The following MRC1 variants were observed in gnomAD, a reference collection of about 807,000 sequenced individuals.
MRC1 encodes the protein macrophage mannose receptor 1.
Under a neutral mutation model 102.9 loss-of-function variants are expected in MRC1, and 62 were observed. That is an observed-to-expected ratio of 0.60 (90% confidence interval 0.49 to 0.74). The LOEUF (loss-of-function observed/expected upper bound fraction) is 0.74. MRC1 is among the 30% of genes least tolerant of loss of function. The pLI is 0.00. For synonymous variants in MRC1, 457 were observed against 298.4 expected (o/e 1.53, Z -5.48); for missense variants, 1,237 against 862.8 (o/e 1.43, Z -5.43).
Position 17,885,262 on chromosome 10 carries a change from C to T in MRC1, c.2981-7C>T, listed in dbSNP as rs1833575712. 5 of 780,600 alleles carry T rather than the reference C, an allele frequency of 6.4e-6. No individual in the cohort carries two copies. The Admixed American group carries it at 8.5e-5, about 13-fold the overall frequency. The allele number at this position is 780,600 out of a possible 1,614,324, so 48.4% of individuals were successfully genotyped here. On this transcript the variant is annotated splice_polypyrimidine_tract_variant and splice_region_variant and intron_variant, in intron 21 of 29. Coordinates refer to ENST00000569591, the MANE Select transcript of MRC1 (RefSeq NM_002438.4). ...GTTTAAAATTATATCATGAAATTTTCTTTCAGCATTTCTTACCTATCACAT... is the reference window on the plus strand; with the variant it reads ...GTTTAAAATTATATCATGAAATTTTTTTTCAGCATTTCTTACCTATCACAT...
rs2296414 is a variant in MRC1, at chr10:17,827,578, C to A, written c.500C>A (p.Thr167Asn). 3.8e-6 allele frequency: 3 copies of A among 780,490 alleles called. No homozygotes were observed. Among genetic ancestry groups the A allele is most frequent in the South Asian group, 2.7e-5 (2 of 74,608 alleles). The allele number at this position is 780,490 out of a possible 1,614,324, so 48.3% of individuals were successfully genotyped here. A position where few individuals can be genotyped will look rare whatever the true frequency, so the allele number is the denominator to read the frequency against. Residue 167 changes from threonine (T) to asparagine (N), a missense_variant, in exon 3 of 30, where the codon ACC becomes AAC. Physicochemically the swap from Thr to Asn is moderately conservative, Grantham distance 65 (BLOSUM62 0). Transcript: ENST00000569591. ...CTACTAGGCAATGCCAATGGAGCAA[C>A]CTGTGCATTCCCGTTCAAGTTTGAA... ...YTLLGNANGA[T>N]CAFPFKFENK...
At chr10:17,891,633 G>C (rs1833677541) in intron 22 of MRC1, among the ~76,000 whole-genome samples, 1 of 152,210 alleles carries the variant, frequency 6.6e-6, no homozygotes, top group African/African-American at 2.4e-5. Flanking sequence ...TGCTGACGTA[G>C]TGGATAAAGG....
At chr10:17,844,937 A>G (rs1589174579) in intron 5 of MRC1, among the ~76,000 whole-genome samples, 1 of 152,080 alleles carries the variant, frequency 6.6e-6, no homozygotes, top group East Asian at 1.9e-4. Flanking sequence ...CGGCATAATC[A>G]TGCATTCTTT....
chr10:17,891,445 C>T (rs1056413593), intron 22 of MRC1, among the ~76,000 whole-genome samples: 6 of 152,082 alleles, frequency 3.9e-5, no homozygotes, highest in South Asian at 4.1e-4. Flanking sequence ...GGATTACAGG[C>T]GTGAGCCATT....
rs1046370891 is a variant in MRC1, at chr10:17,827,758, C to T, written c.637+43C>T. The T allele has an allele frequency of 4.4e-5, 34 of 779,910 alleles. 2 individuals carry two copies. The highest frequency in any genetic ancestry group is 2.2e-4 in the African/African-American group (13 of 59,220). The allele number at this position is 779,910 out of a possible 1,614,324, so 48.3% of individuals were successfully genotyped here. ...CCAAGAAAAGTTGGGCACATTTAGTCTGATAATGTAGTGAAAGACCTTGAA... is the reference window on the plus strand; with the variant it reads ...CCAAGAAAAGTTGGGCACATTTAGTTTGATAATGTAGTGAAAGACCTTGAA... On this transcript the variant is annotated intron_variant, in intron 3 of 29. Transcript: ENST00000569591.
At chr10:17,876,246 C>CTTT (rs1323985210) in intron 17 of MRC1, among the ~76,000 whole-genome samples, 1 of 138,718 alleles carries the variant, frequency 7.2e-6, no homozygotes, top group Non-Finnish European at 1.6e-5. Flanking sequence ...AACTCAGAAT[C>CTTT]TTTTTTTTTT....
intron 14 of MRC1, 26 bp downstream of exon 14, chr10:17,870,961 C>A: frequency 1.2e-6 from 1 of 864,736 alleles, no homozygotes; most frequent in Non-Finnish European, 2.0e-6. Context: ...TACTATATAA[C>A]TTTCTTACTT....
chr10:17,871,118 C>T (rs1833349340), intron 14 of MRC1, among the ~76,000 whole-genome samples, 183 bp downstream of exon 14: 1 of 151,948 alleles, frequency 6.6e-6, no homozygotes, highest in African/African-American at 2.4e-5. Context: ...TCTTTTAGAT[C>T]AATAGAAATG....
intron 1 of MRC1, among the ~76,000 whole-genome samples, chr10:17,819,068 G>A (rs2436676): frequency 0.59 from 90,414 of 151,996 alleles, 27,288 homozygotes; most frequent in African/African-American, 0.69. Flanking sequence ...TAGAAACCCA[G>A]TCTCCTTCCC....
chr10:17,835,756 G>A (rs1349863322), intron 4 of MRC1, among the ~76,000 whole-genome samples: 1 of 152,172 alleles, frequency 6.6e-6, no homozygotes, highest in African/African-American at 2.4e-5. Context: ...TAAATGCAGT[G>A]GTTCTTCTGT....
chr10:17,809,970 G>C (rs886308187), intron 1 of MRC1, among the ~76,000 whole-genome samples: 1 of 152,094 alleles, frequency 6.6e-6, no homozygotes, highest in African/African-American at 2.4e-5. Context: ...TCTTAGGTCC[G>C]AGGGTATCAT....
intron 22 of MRC1, among the ~76,000 whole-genome samples, chr10:17,891,488 C>T (rs1833675532): frequency 6.6e-6 from 1 of 152,094 alleles, no homozygotes; most frequent in Admixed American, 6.6e-5. Flanking sequence ...TTACATATTA[C>T]AGTGTAATAA....
Position 17,861,447 on chromosome 10 carries a change from G to C in MRC1, c.1579G>C (p.Glu527Gln). The change falls in exon 10 of 30, where the codon GAA (glutamate) becomes CAA (glutamine). Residue 527 changes from glutamate (E) to glutamine (Q), a missense_variant. Transcript: ENST00000569591. Reference protein sequence around the residue: ...MIGHTLSTFAEANQTCNNENA... With the variant: ...MIGHTLSTFAQANQTCNNENA... ...TGGACATACGCTTTCAACATTTGCAGAAGCAAACCAAACCTGTAATAATGA... is the reference window on the plus strand; with the variant it reads ...TGGACATACGCTTTCAACATTTGCACAAGCAAACCAAACCTGTAATAATGA... The C allele has an allele frequency of 1.1e-6, 1 of 872,458 alleles. No homozygotes were observed. The highest frequency in any genetic ancestry group is 1.3e-5 in the South Asian group (1 of 76,528). The allele number at this position is 872,458 out of a possible 1,614,324, so 54.0% of individuals were successfully genotyped here. A position where few individuals can be genotyped will look rare whatever the true frequency, so the allele number is the denominator to read the frequency against.
intron 5 of MRC1, 45 bp from the exon 6 acceptor site, chr10:17,845,244 G>A (rs1554840138): frequency 1.3e-6 from 1 of 780,616 alleles, no homozygotes; most frequent in African/African-American, 1.7e-5. Context: ...CTATCTGCTG[G>A]GAATAGCTAT....
At position 17,866,658 on chromosome 10, in the gene MRC1, A is replaced by G; in HGVS notation, c.1880A>G (p.His627Arg). 2 of 780,864 alleles carry G rather than the reference A, an allele frequency of 2.6e-6. No homozygotes were observed. Among genetic ancestry groups the G allele is most frequent in the South Asian group, 1.3e-5 (1 of 74,616 alleles). The allele number at this position is 780,864 out of a possible 1,614,324, so 48.4% of individuals were successfully genotyped here. A position where few individuals can be genotyped will look rare whatever the true frequency, so the allele number is the denominator to read the frequency against. ...GAAAAGGCAAAATTTGTGTGCAAGC[A>G]CTGGGCAGAAGGAGTAACCCACCCA... ...CDEKAKFVCK[H>R]WAEGVTHPPK... Residue 627 changes from histidine (H) to arginine (R), a missense_variant, in exon 12 of 30, where the codon CAC becomes CGC. His to Arg is a conservative substitution (Grantham distance 29). Coordinates refer to ENST00000569591, the MANE Select transcript of MRC1 (RefSeq NM_002438.4).
At chr10:17,886,457 C>A (rs1198113609) in intron 22 of MRC1, among the ~76,000 whole-genome samples, 2 of 152,056 alleles carry the variant, frequency 1.3e-5, no homozygotes, top group Non-Finnish European at 2.9e-5. Flanking sequence ...GGCTGGAGTG[C>A]AGTGGCATGA....
chr10:17,875,571 C>G (rs1375672608), intron 17 of MRC1, among the ~76,000 whole-genome samples: 1 of 152,154 alleles, frequency 6.6e-6, no homozygotes, highest in Non-Finnish European at 1.5e-5. Context: ...CAGTTCCATC[C>G]AGGTTGCTGC....
chr10:17,859,501 C>G (rs1407564490), intron 9 of MRC1, among the ~76,000 whole-genome samples: 1 of 151,998 alleles, frequency 6.6e-6, no homozygotes, highest in Non-Finnish European at 1.5e-5. Context: ...CATTTTCAGT[C>G]AAGACGGGGT....
chr10:17,846,223 A>C (rs1838823294), intron 6 of MRC1, among the ~76,000 whole-genome samples: 1 of 152,026 alleles, frequency 6.6e-6, no homozygotes, highest in Non-Finnish European at 1.5e-5. Context: ...CTGAATTTTA[A>C]ATATCGGCTA....
Sources: allele counts gnomAD v4.1 joint callset (sites outside exome capture counted in the v4.1 genomes callset), GRCh38; gene constraint gnomAD v4.1.1; transcripts MANE v1.5; gene names NCBI Gene and HGNC (gene_info 2026-07-23, HGNC 2026-07-21).